Variants in CA10 observed in about 807,000 individuals in gnomAD.
The protein encoded by CA10 is carbonic anhydrase 10 (inactive).
A neutral mutation model predicts 44.2 loss-of-function variants in CA10; 14 were observed. The ratio of observed to expected loss-of-function variants is 0.32; its 90% CI spans 0.21 to 0.50. The LOEUF (loss-of-function observed/expected upper bound fraction) is 0.50. Among genes scored for constraint, CA10 ranks in the 20% least tolerant of loss-of-function variants. CA10 has a pLI of 0.99. For synonymous variants in CA10, 159 were observed against 141.6 expected (o/e 1.12, Z -0.87); for missense variants, 350 against 409.7 (o/e 0.85, Z 1.26).
intron 3 of CA10, among the ~76,000 whole-genome samples, chr17:51,907,537 C>G (rs999550560): frequency 4.6e-5 from 7 of 152,024 alleles, no homozygotes; most frequent in African/African-American, 1.7e-4. Context: ...GATCCCTCTT[C>G]GAGGCTGAAG....
intron 3 of CA10, among the ~76,000 whole-genome samples, chr17:51,820,112 C>CA (rs1907708693): frequency 6.6e-6 from 1 of 151,596 alleles, no homozygotes; most frequent in Non-Finnish European, 1.5e-5. Context: ...TGACTTGTCC[C>CA]AAGTTCCACA....
chr17:51,974,341 G>A (rs111507171), intron 2 of CA10, among the ~76,000 whole-genome samples: 2 of 148,526 alleles, frequency 1.3e-5, no homozygotes, highest in African/African-American at 2.5e-5. Flanking sequence ...CCGAGATCAC[G>A]TCACTGCACT....
intron 2 of CA10, among the ~76,000 whole-genome samples, chr17:52,002,744 A>C (rs1408618535): frequency 6.6e-6 from 1 of 151,952 alleles, no homozygotes; most frequent in Non-Finnish European, 1.5e-5. Context: ...CCTCTGATGG[A>C]CATTCAGGGA....
intron 3 of CA10, among the ~76,000 whole-genome samples, chr17:51,821,120 C>T (rs1256738359): frequency 8.2e-6 from 1 of 121,568 alleles, no homozygotes; most frequent in African/African-American, 3.3e-5. Context: ...TTTCCTTCCT[C>T]CCTTCCCTCC....
At chr17:51,766,995 G>C (rs1393394195) in intron 3 of CA10, among the ~76,000 whole-genome samples, 3 of 152,144 alleles carry the variant, frequency 2.0e-5, no homozygotes, top group East Asian at 3.9e-4. Flanking sequence ...GAGGTGCCTT[G>C]GTAGAGATCA....
intron 2 of CA10, among the ~76,000 whole-genome samples, chr17:51,957,085 G>GC (rs1983695234): frequency 6.6e-6 from 1 of 152,094 alleles, no homozygotes; most frequent in Non-Finnish European, 1.5e-5. Context: ...AAATATGATT[G>GC]TTTTTCCTCA....
chr17:52,017,037 C>T (rs921231829), intron 2 of CA10, among the ~76,000 whole-genome samples: 4 of 152,148 alleles, frequency 2.6e-5, no homozygotes, highest in Non-Finnish European at 5.9e-5. Flanking sequence ...TCTTGAGGCT[C>T]TCGCTAGAAG....
chr17:51,820,163 C>T (rs964336949), intron 3 of CA10, among the ~76,000 whole-genome samples: 2 of 150,472 alleles, frequency 1.3e-5, no homozygotes, highest in Non-Finnish European at 3.0e-5. Context: ...AAGTCTGACT[C>T]CAGAACATGA....
At chr17:52,019,898 A>G (rs1986082056) in intron 2 of CA10, among the ~76,000 whole-genome samples, 1 of 151,950 alleles carries the variant, frequency 6.6e-6, no homozygotes, top group African/African-American at 2.4e-5. Flanking sequence ...ATCACTGTGA[A>G]GAGATATATA....
At position 52,046,811 on chromosome 17, in the gene CA10, A is replaced by G. The variant is rs994442031; in HGVS notation, c.136+25508T>C. Reference sequence around the variant, plus strand: ...AACAAAGTATTAGCAAATGGAATACAACAATATATTAAAGAATAATATATC... The same window carrying G: ...AACAAAGTATTAGCAAATGGAATACGACAATATATTAAAGAATAATATATC... On this transcript the variant is annotated intron_variant, in intron 2 of 8. Transcript: ENST00000451037. 2.0e-5 allele frequency among the ~76,000 whole-genome samples: 3 copies of G among 151,972 alleles called. No individual in the cohort carries two copies. The East Asian group carries it at 5.8e-4, about 29-fold the overall frequency.
intron 6 of CA10, among the ~76,000 whole-genome samples, chr17:51,641,728 A>G (rs894833336): frequency 5.3e-5 from 8 of 152,088 alleles, no homozygotes; most frequent in Admixed American, 6.5e-5. Flanking sequence ...GACGTACACT[A>G]TGATAAAATG....
chr17:52,101,447 T>C (rs1988537954), intron 1 of CA10, among the ~76,000 whole-genome samples: 1 of 152,154 alleles, frequency 6.6e-6, no homozygotes, highest in African/African-American at 2.4e-5. Context: ...CTCTGTTAAG[T>C]GGCAGGTCAT....
intron 3 of CA10, among the ~76,000 whole-genome samples, chr17:51,796,325 A>G (rs1032142702): frequency 2.0e-5 from 3 of 152,090 alleles, no homozygotes; most frequent in Non-Finnish European, 2.9e-5. Context: ...CTGCCCTATC[A>G]TAGACCCAGT....
chr17:52,091,349 C>G (rs1177396353), intron 1 of CA10, among the ~76,000 whole-genome samples: 1 of 151,826 alleles, frequency 6.6e-6, no homozygotes, highest in East Asian at 1.9e-4. Context: ...TGAGCTTCCC[C>G]GAACCAGTGA....
intron 3 of CA10, among the ~76,000 whole-genome samples, chr17:51,801,748 G>A (rs994086455): frequency 6.6e-6 from 1 of 152,212 alleles, no homozygotes; most frequent in Admixed American, 6.5e-5. Context: ...GCAGTAAGAA[G>A]AAGGCATTCT....
intron 2 of CA10, among the ~76,000 whole-genome samples, chr17:51,958,850 C>T (rs1174015083): frequency 6.6e-6 from 1 of 152,082 alleles, no homozygotes; most frequent in Non-Finnish European, 1.5e-5. Context: ...TTGGTTCCAG[C>T]TCTGGCTGTG....
Position 51,830,983 on chromosome 17 carries a change from C to A in CA10, c.280-83165G>T, listed in dbSNP as rs1045656004. Among the ~76,000 whole-genome samples, 7 of 152,134 alleles carry A rather than the reference C, an allele frequency of 4.6e-5. No homozygotes were observed. The South Asian group carries it at 1.0e-3, about 23-fold the overall frequency. ...AAAACTGCAGTTACTTTTGCACCAA[C>A]CTATATCAATCGAATATACCCATGT... On this transcript the variant is annotated intron_variant, in intron 3 of 8. Transcript: ENST00000451037.
intron 4 of CA10, among the ~76,000 whole-genome samples, chr17:51,680,915 T>TC (rs66494007): frequency 3.3e-5 from 5 of 151,780 alleles, no homozygotes; most frequent in South Asian, 2.1e-4. Flanking sequence ...GACTTCCATT[T>TC]CCCCCCCAAC....
At chr17:51,926,658 C>T (rs904985275) in intron 3 of CA10, among the ~76,000 whole-genome samples, 1 of 152,172 alleles carries the variant, frequency 6.6e-6, no homozygotes, top group Non-Finnish European at 1.5e-5. Flanking sequence ...CTGTGTCACT[C>T]CGACCTCTGC....
Sources: allele counts gnomAD v4.1 joint callset (sites outside exome capture counted in the v4.1 genomes callset), GRCh38; gene constraint gnomAD v4.1.1; transcripts MANE v1.5; gene names NCBI Gene and HGNC (gene_info 2026-07-23, HGNC 2026-07-21).